The following RBM46 variants were observed in gnomAD, a reference collection of about 807,000 sequenced individuals.
RBM46 encodes the protein RNA binding motif protein 46.
Under a neutral mutation model 43.3 loss-of-function variants are expected in RBM46, and 12 were observed. The observed-to-expected ratio is 0.28, with a 90% CI of 0.18 to 0.45. The LOEUF is 0.45. RBM46 is among the 20% of genes least tolerant of loss of function. The pLI is 1.00. For missense variants in RBM46, 412 were observed against 639.1 expected (o/e 0.64, Z 3.83); for synonymous variants, 205 against 207.6 (o/e 0.99, Z 0.11).
chr4:154,824,931 T>C (rs984794001), intron 4 of RBM46, among the ~76,000 whole-genome samples: 2 of 152,090 alleles, frequency 1.3e-5, no homozygotes, highest in Non-Finnish European at 2.9e-5. Flanking sequence ...GGGGATATGT[T>C]TTATATCTTG....
chr4:154,794,305 T>A lies in RBM46; in HGVS notation c.-11-2437T>A, dbSNP rs780130462. On this transcript the variant is annotated intron_variant, in intron 1 of 4. Coordinates refer to ENST00000281722, the MANE Select transcript of RBM46 (RefSeq NM_144979.5). ...TTGCCTTTCTCCTGCCTCAGCCTCCTGAGTAGCTGGGACTACAGGCACCCG... is the reference window on the plus strand; with the variant it reads ...TTGCCTTTCTCCTGCCTCAGCCTCCAGAGTAGCTGGGACTACAGGCACCCG... Among the ~76,000 whole-genome samples, 99 of 151,180 alleles carry A rather than the reference T, an allele frequency of 6.5e-4. 3 individuals are homozygous for A. Among genetic ancestry groups the A allele is most frequent in the Non-Finnish European group, 2.8e-4 (19 of 67,878 alleles).
At chr4:154,793,277 A>G (rs1734191086) in intron 1 of RBM46, among the ~76,000 whole-genome samples, 1 of 152,166 alleles carries the variant, frequency 6.6e-6, no homozygotes, top group Non-Finnish European at 1.5e-5. Context: ...AAGAGGAGCT[A>G]GATATTTTCT....
At chr4:154,791,269 T>G (rs1033411797) in intron 1 of RBM46, among the ~76,000 whole-genome samples, 3 of 152,204 alleles carry the variant, frequency 2.0e-5, no homozygotes, top group Non-Finnish European at 4.4e-5. Context: ...ATTTCTCAGG[T>G]GTGTTTAGAC....
chr4:154,799,248 G>C lies in RBM46; in HGVS notation c.1086G>C (p.Pro362=), dbSNP rs150609171. The C allele has an allele frequency of 2.8e-5, 45 of 1,614,016 alleles. No individual in the cohort carries two copies. In the East Asian group the frequency reaches 9.8e-4, roughly 35 times the overall value. ...ARLNGQHSPS[P]PEVERCTYPF... is the part of the protein sequence containing the mutation. ...TCAATGGTCAGCATAGCCCAAGTCC[G>C]CCTGAAGTTGAAAGATGCACTTACC... Residue 362 remains proline (P), a synonymous_variant, in exon 4 of 5, where the codon CCG becomes CCC. Transcript: ENST00000281722.
At chr4:154,812,710 T>A (rs1460416294) in intron 4 of RBM46, among the ~76,000 whole-genome samples, 1 of 152,176 alleles carries the variant, frequency 6.6e-6, no homozygotes, top group African/African-American at 2.4e-5. Context: ...TGTAGTATAA[T>A]CAAATACTCT....
intron 1 of RBM46, among the ~76,000 whole-genome samples, chr4:154,792,091 A>G (rs1488113382): frequency 2.0e-5 from 3 of 152,210 alleles, no homozygotes; most frequent in Non-Finnish European, 2.9e-5. Context: ...CTAAAATTAG[A>G]GTAGTACAAG....
chr4:154,824,398 T>C (rs1441845701), intron 4 of RBM46, among the ~76,000 whole-genome samples: 2 of 152,082 alleles, frequency 1.3e-5, no homozygotes, highest in Non-Finnish European at 2.9e-5. Context: ...AAGATTTGTA[T>C]AAAAGTGTTC....
chr4:154,792,812 G>A (rs2111112854), intron 1 of RBM46, among the ~76,000 whole-genome samples: 1 of 152,258 alleles, frequency 6.6e-6, no homozygotes, highest in Admixed American at 6.5e-5. Context: ...CATTGTTGTT[G>A]GCATATCATA....
At chr4:154,805,410 A>G (rs1734861242) in intron 4 of RBM46, among the ~76,000 whole-genome samples, 1 of 152,010 alleles carries the variant, frequency 6.6e-6, no homozygotes, top group Non-Finnish European at 1.5e-5. Context: ...GGACTTGTAT[A>G]TTGCTTCTTA....
intron 1 of RBM46, among the ~76,000 whole-genome samples, chr4:154,788,335 C>G (rs929184071): frequency 1.3e-5 from 2 of 152,144 alleles, no homozygotes; most frequent in Non-Finnish European, 2.9e-5. Flanking sequence ...ACATTTAAGT[C>G]TTTAATCCAT....
chr4:154,827,941 C>T lies in RBM46; in HGVS notation c.1476C>T (p.Ser492=), dbSNP rs777430155. The T allele has an allele frequency of 3.2e-5, 51 of 1,613,620 alleles. No homozygotes were observed. In the Admixed American group the frequency reaches 6.8e-4, roughly 22 times the overall value. The change falls in exon 5 of 5, where the codon AGC becomes AGT. Residue 492 remains serine, a synonymous_variant. Coordinates refer to ENST00000281722, the MANE Select transcript of RBM46 (RefSeq NM_144979.5). ...VSATLSSGTP[S]VLPYTSRPYS... ...CTACCCTCTCTTCTGGGACTCCCAGCGTGCTTCCTTATACTTCAAGGCCTT... is the reference window on the plus strand; with the variant it reads ...CTACCCTCTCTTCTGGGACTCCCAGTGTGCTTCCTTATACTTCAAGGCCTT...
At chr4:154,787,976 T>C (rs1030748577) in intron 1 of RBM46, among the ~76,000 whole-genome samples, 8 of 152,348 alleles carry the variant, frequency 5.3e-5, no homozygotes, top group Middle Eastern at 6.8e-3. Flanking sequence ...GCTGCATAAA[T>C]GTCTTCTTTT....
chr4:154,816,059 C>T (rs1255021207), intron 4 of RBM46, among the ~76,000 whole-genome samples: 1 of 152,102 alleles, frequency 6.6e-6, no homozygotes, highest in Admixed American at 6.5e-5. Context: ...CTAATATACA[C>T]ACACATATAT....
At chr4:154,792,193 C>T (rs1487394334) in intron 1 of RBM46, among the ~76,000 whole-genome samples, 5 of 152,130 alleles carry the variant, frequency 3.3e-5, no homozygotes, top group Non-Finnish European at 7.3e-5. Flanking sequence ...TACTTTCTCT[C>T]TTAGTCTCGT....
chr4:154,811,872 G>A (rs1003287802), intron 4 of RBM46, among the ~76,000 whole-genome samples: 1 of 151,952 alleles, frequency 6.6e-6, no homozygotes, highest in African/African-American at 2.4e-5. Context: ...GTAGAGACGG[G>A]GTTTCCCTGT....
intron 4 of RBM46, chr4:154,820,415 A>G: frequency 6.6e-7 from 1 of 1,516,150 alleles, no homozygotes; most frequent in Non-Finnish European, 8.8e-7. Context: ...TTTGGAGAAA[A>G]TAAACAGGTA....
intron 4 of RBM46, among the ~76,000 whole-genome samples, chr4:154,821,127 T>A (rs1008216935): frequency 3.3e-5 from 5 of 151,820 alleles, no homozygotes; most frequent in African/African-American, 1.2e-4. Flanking sequence ...CTTAATAATA[T>A]TGCCATTACA....
chr4:154,798,351 ATAT>A, intron 3 of RBM46, 73 bp downstream of exon 3: 1 of 931,018 alleles, frequency 1.1e-6, no homozygotes, highest in Non-Finnish European at 1.6e-6. Flanking sequence ...TCAGGGATCA[ATAT>A]TATCAAAATA....
chr4:154,816,910 T>C (rs1237130168), intron 4 of RBM46, among the ~76,000 whole-genome samples: 1 of 152,164 alleles, frequency 6.6e-6, no homozygotes, highest in Non-Finnish European at 1.5e-5. Context: ...AAATACTTTT[T>C]TGCATCTAGT....
Sources: allele counts gnomAD v4.1 joint callset (sites outside exome capture counted in the v4.1 genomes callset), GRCh38; gene constraint gnomAD v4.1.1; transcripts MANE v1.5; gene names NCBI Gene and HGNC (gene_info 2026-07-23, HGNC 2026-07-21).